ROBO2: variants seen among roughly 807,000 people sequenced by gnomAD.
ROBO2 encodes the protein roundabout guidance receptor 2, also known as roundabout homolog 2.
Under a neutral mutation model 160.8 loss-of-function variants are expected in ROBO2, and 53 were observed. The ratio of observed to expected loss-of-function variants is 0.33; its 90% CI spans 0.26 to 0.41. ROBO2 has a LOEUF of 0.41. ROBO2 is among the 10% of genes least tolerant of loss of function. The probability of loss-of-function intolerance (pLI) is 1.00; values close to 1 mark genes in which losing one functional copy is unlikely to be tolerated. For synonymous variants in ROBO2, 664 were observed against 611.7 expected (o/e 1.09, Z -1.26); for missense variants, 1,577 against 1,722.4 (o/e 0.92, Z 1.49).
intron 2 of ROBO2, among the ~76,000 whole-genome samples, chr3:77,234,679 C>T (rs532527135): frequency 2.8e-4 from 43 of 152,124 alleles, no homozygotes; most frequent in Non-Finnish European, 5.6e-4. Context: ...TTGTAATTTT[C>T]ATGTTGACCT....
chr3:77,091,758 C>T (rs1300633311), intron 1 of ROBO2, among the ~76,000 whole-genome samples: 2 of 152,064 alleles, frequency 1.3e-5, no homozygotes, highest in Middle Eastern at 3.4e-3. Context: ...GCAGGAGGCT[C>T]GCTTGAGGCC....
chr3:76,003,346 A>T (rs1211186103), intron 2 of ROBO2, among the ~76,000 whole-genome samples: 1 of 152,208 alleles, frequency 6.6e-6, no homozygotes, highest in Non-Finnish European at 1.5e-5. Context: ...AGATTATACC[A>T]GCCGGGTATC....
intron 2 of ROBO2, among the ~76,000 whole-genome samples, chr3:77,167,378 C>G (rs939774901): frequency 3.3e-5 from 5 of 152,040 alleles, no homozygotes; most frequent in African/African-American, 1.2e-4. Context: ...AAAGTCTTTG[C>G]AATTGCTCTA....
At chr3:77,418,041 T>C (rs1469754548) in intron 2 of ROBO2, among the ~76,000 whole-genome samples, 1 of 152,174 alleles carries the variant, frequency 6.6e-6, no homozygotes, top group Non-Finnish European at 1.5e-5. Context: ...ATATACAAAC[T>C]GAACAATTAA....
intron 2 of ROBO2, among the ~76,000 whole-genome samples, chr3:76,313,233 T>C (rs957730734): frequency 2.6e-5 from 4 of 152,264 alleles, no homozygotes; most frequent in Admixed American, 2.6e-4. Flanking sequence ...GTATAGGCAT[T>C]GCATAAATAT....
intron 2 of ROBO2, among the ~76,000 whole-genome samples, chr3:76,734,993 A>C (rs1455339535): frequency 6.6e-6 from 1 of 152,242 alleles, no homozygotes; most frequent in Non-Finnish European, 1.5e-5. Flanking sequence ...AGGAATGTAA[A>C]TTAGTTAAAC....
At chr3:77,358,143 CA>C (rs1331382286) in intron 2 of ROBO2, among the ~76,000 whole-genome samples, 2 of 152,106 alleles carry the variant, frequency 1.3e-5, no homozygotes, top group Admixed American at 1.3e-4. Context: ...CATAAATTGT[CA>C]GAATAATTCT....
At position 76,003,643 on chromosome 3, in the gene ROBO2, A is replaced by G. The variant is rs183095486; in HGVS notation, c.109+66041A>G. 4.4e-3 allele frequency among the ~76,000 whole-genome samples: 671 copies of G among 152,358 alleles called. 4 individuals carry two copies. The highest frequency in any genetic ancestry group is 6.8e-3 in the Middle Eastern group (2 of 294). Reference sequence around the variant, plus strand: ...TTCGCAGATTCAACCAACTATGGATAGAAAATATAGTATTCCCAGATGGGG... The same window carrying G: ...TTCGCAGATTCAACCAACTATGGATGGAAAATATAGTATTCCCAGATGGGG... On this transcript the variant is annotated intron_variant, in intron 2 of 26. Coordinates refer to the ROBO2 transcript ENST00000487694.
chr3:76,600,286 A>C (rs1243692528), intron 2 of ROBO2, among the ~76,000 whole-genome samples: 1 of 152,204 alleles, frequency 6.6e-6, no homozygotes, highest in Non-Finnish European at 1.5e-5. Context: ...CCCAGCATTT[A>C]CTAAATAGGG....
At chr3:77,393,895 A>G (rs1008623639) in intron 2 of ROBO2, among the ~76,000 whole-genome samples, 2 of 152,126 alleles carry the variant, frequency 1.3e-5, no homozygotes, top group Non-Finnish European at 2.9e-5. Context: ...TAAAATATAA[A>G]CTAGACTTTA....
At chr3:75,945,884 T>C (rs1437835269) in intron 2 of ROBO2, among the ~76,000 whole-genome samples, 1 of 152,162 alleles carries the variant, frequency 6.6e-6, no homozygotes, top group African/African-American at 2.4e-5. Context: ...TATTAAGTTG[T>C]GTTTCTGGAA....
rs982939970 is a variant in ROBO2 at position 76,190,451 on chromosome 3, A to G, written c.109+252849A>G. ...ATAGCTGGCACTGAGGCTGAGTCAG[A>G]TTTTATAAGCATTTTAAATTATATT... On this transcript the variant is annotated intron_variant, in intron 2 of 26. Coordinates refer to the ROBO2 transcript ENST00000487694. Among the ~76,000 whole-genome samples, 5 of 152,242 alleles carry G rather than the reference A, an allele frequency of 3.3e-5. No homozygotes were observed. In the East Asian group the frequency reaches 9.7e-4, roughly 29 times the overall value.
At chr3:77,003,711 G>A (rs1173457280) in intron 2 of ROBO2, among the ~76,000 whole-genome samples, 1 of 151,866 alleles carries the variant, frequency 6.6e-6, no homozygotes, top group African/African-American at 2.4e-5. Context: ...CACCACACCC[G>A]GCTAATTTTT....
chr3:76,844,688 A>C (rs2068618715), intron 2 of ROBO2, among the ~76,000 whole-genome samples: 1 of 151,910 alleles, frequency 6.6e-6, no homozygotes, highest in African/African-American at 2.4e-5. Flanking sequence ...GTGTCCAGGA[A>C]AGCAGAAGTT....
intron 2 of ROBO2, among the ~76,000 whole-genome samples, chr3:76,366,664 T>A (rs558024171): frequency 6.6e-6 from 1 of 152,184 alleles, no homozygotes; most frequent in South Asian, 2.1e-4. Flanking sequence ...AAGATATTTC[T>A]TTACTGTGTA....
intron 3 of ROBO2, among the ~76,000 whole-genome samples, chr3:77,480,196 T>A (rs76944360): frequency 0.018 from 2,704 of 152,266 alleles, 76 homozygotes; most frequent in African/African-American, 0.06. Flanking sequence ...TGAGTTGTGT[T>A]TGCCTGTGAA....
At chr3:76,172,195 A>T (rs2073064613) in intron 2 of ROBO2, among the ~76,000 whole-genome samples, 1 of 151,720 alleles carries the variant, frequency 6.6e-6, no homozygotes, top group East Asian at 2.0e-4. Context: ...CTGTGTAAAA[A>T]CCAAACACTG....
In ROBO2 at chr3:76,980,308, C is replaced by A. The variant is rs567306453; in HGVS notation, c.110-117706C>A. ...AATAGCACAGCCACTACTCTAGCTACGCTGGCTTCCTAAATCTTTAGAAAT... is the reference window on the plus strand; with the variant it reads ...AATAGCACAGCCACTACTCTAGCTAAGCTGGCTTCCTAAATCTTTAGAAAT... On this transcript the variant is annotated intron_variant, in intron 2 of 26. Coordinates refer to the ROBO2 transcript ENST00000487694. 1.1e-4 allele frequency among the ~76,000 whole-genome samples: 16 copies of A among 152,316 alleles called. No individual in the cohort carries two copies. The South Asian group carries it at 3.3e-3, about 32-fold the overall frequency.
At chr3:76,917,752 A>AT (rs2076414750) in intron 2 of ROBO2, among the ~76,000 whole-genome samples, 1 of 151,944 alleles carries the variant, frequency 6.6e-6, no homozygotes, top group Admixed American at 6.6e-5. Flanking sequence ...AGCTAAAAAA[A>AT]AATGTCTAAG....
Sources: gnomAD v4.1 joint callset for allele counts (sites outside exome capture counted in the v4.1 genomes callset) on GRCh38, gnomAD v4.1.1 for gene constraint, MANE v1.5 for transcripts, NCBI Gene and HGNC (gene_info 2026-07-23, HGNC 2026-07-21) for gene names.